Variants in RASSF5 observed in about 807,000 individuals in gnomAD.
RASSF5 encodes the protein ras association domain-containing protein 5.
Under a neutral mutation model 40.5 loss-of-function variants are expected in RASSF5, and 25 were observed. That is an observed-to-expected ratio of 0.62 (90% CI 0.45 to 0.86). RASSF5 has a LOEUF of 0.86. RASSF5 is among the 40% of genes least tolerant of loss of function. The probability of loss-of-function intolerance (pLI) is 0.00; values close to 1 mark genes in which losing one functional copy is unlikely to be tolerated. For missense variants in RASSF5, 521 were observed against 572.8 expected (o/e 0.91, Z 0.92); for synonymous variants, 246 against 252.4 (o/e 0.97, Z 0.24).
At chr1:206,542,184 T>TGTCC (rs1402731365) in intron 2 of RASSF5, 2 of 152,242 alleles carry the variant, frequency 1.3e-5, no homozygotes, top group Non-Finnish European at 2.9e-5. Context: ...TTTGGATGTG[T>TGTCC]GTCCCCTCCA....
intron 2 of RASSF5, among the ~76,000 whole-genome samples, chr1:206,556,727 C>T (rs1213286615): frequency 6.6e-6 from 1 of 152,134 alleles, no homozygotes; most frequent in Non-Finnish European, 1.5e-5. Flanking sequence ...CTGGCATTTC[C>T]AACTTAAAAT....
chr1:206,541,290 A>G (rs1287867225), intron 2 of RASSF5, among the ~76,000 whole-genome samples: 2 of 152,184 alleles, frequency 1.3e-5, no homozygotes, highest in Non-Finnish European at 2.9e-5. Context: ...CTGAACATTC[A>G]TACATTTTTC....
chr1:206,547,106 A>G (rs1178872404), intron 2 of RASSF5, among the ~76,000 whole-genome samples: 2 of 152,234 alleles, frequency 1.3e-5, no homozygotes, highest in African/African-American at 4.8e-5. Context: ...CCCTGTCTCT[A>G]TTTTATACCA....
At chr1:206,578,437 T>G (rs926153849) in intron 2 of RASSF5, among the ~76,000 whole-genome samples, 6 of 152,094 alleles carry the variant, frequency 3.9e-5, no homozygotes, top group African/African-American at 1.4e-4. Flanking sequence ...GTGAGTAGAA[T>G]AGTGCACGGT....
chr1:206,510,525 A>G (rs1666588565), intron 1 of RASSF5, among the ~76,000 whole-genome samples: 1 of 152,170 alleles, frequency 6.6e-6, no homozygotes, highest in South Asian at 2.1e-4. Flanking sequence ...GTCCCCTCCC[A>G]TCTAACAGCT....
At chr1:206,573,035 T>C (rs1668503698) in intron 2 of RASSF5, among the ~76,000 whole-genome samples, 1 of 152,244 alleles carries the variant, frequency 6.6e-6, no homozygotes, top group Admixed American at 6.5e-5. Context: ...ATGATGATGA[T>C]GGTGATGATG....
chr1:206,509,483 C>T (rs1182435815), intron 1 of RASSF5, among the ~76,000 whole-genome samples: 1 of 152,204 alleles, frequency 6.6e-6, no homozygotes, highest in Non-Finnish European at 1.5e-5. Flanking sequence ...TGGTAAATGC[C>T]TTTGACTACA....
intron 2 of RASSF5, chr1:206,557,514 C>A: frequency 6.2e-7 from 1 of 1,604,972 alleles, no homozygotes; most frequent in South Asian, 1.1e-5. Flanking sequence ...CTCCCTCCGC[C>A]GCATCCCAAG....
At chr1:206,518,887 C>T (rs1488790004) in intron 1 of RASSF5, among the ~76,000 whole-genome samples, 1 of 150,922 alleles carries the variant, frequency 6.6e-6, no homozygotes, top group African/African-American at 2.4e-5. Context: ...CTCGGATGGC[C>T]ACTGTTTTCC....
chr1:206,511,587 G>A (rs1666613065), intron 1 of RASSF5, among the ~76,000 whole-genome samples: 1 of 152,154 alleles, frequency 6.6e-6, no homozygotes, highest in Admixed American at 6.5e-5. Flanking sequence ...CAGAGGGGGC[G>A]TTATTCAGAG....
chr1:206,566,965 A>G (rs1398462631), intron 2 of RASSF5, among the ~76,000 whole-genome samples: 6 of 152,186 alleles, frequency 3.9e-5, no homozygotes, highest in South Asian at 2.1e-4. Flanking sequence ...CAAGTACTTT[A>G]GGGCAAGGTT....
At chr1:206,547,489 A>G (rs1337849835) in intron 2 of RASSF5, among the ~76,000 whole-genome samples, 1 of 151,252 alleles carries the variant, frequency 6.6e-6, no homozygotes, top group Non-Finnish European at 1.5e-5. Context: ...ATGGCTGATG[A>G]TCTGTCACTG....
intron 2 of RASSF5, among the ~76,000 whole-genome samples, chr1:206,565,222 C>T (rs935027065): frequency 1.3e-5 from 2 of 152,192 alleles, no homozygotes; most frequent in Non-Finnish European, 2.9e-5. Flanking sequence ...TCAGGCCTCT[C>T]CTCTCTGTCC....
chr1:206,583,668 T>C (rs969785728), intron 3 of RASSF5: 1 of 386,390 alleles, frequency 2.6e-6, no homozygotes, highest in Non-Finnish European at 4.9e-6. Flanking sequence ...CGGTACGTAA[T>C]GACCAAGGGC....
intron 2 of RASSF5, among the ~76,000 whole-genome samples, chr1:206,539,550 T>C (rs1430341713): frequency 3.9e-5 from 6 of 152,236 alleles, no homozygotes; most frequent in South Asian, 4.1e-4. Context: ...AAGAATGATA[T>C]ATGTTTTTAT....
chr1:206,518,339 C>G (rs1283508801), intron 1 of RASSF5: 1 of 398,184 alleles, frequency 2.5e-6, no homozygotes, highest in African/African-American at 2.1e-5. Flanking sequence ...CCCGGCACTC[C>G]ACCCCTGACG....
chr1:206,523,695 T>TAAATATATTATATAC (rs1666988720), intron 1 of RASSF5, among the ~76,000 whole-genome samples: 1 of 84,204 alleles, frequency 1.2e-5, no homozygotes. Context: ...ATATTATATA[T>TAAATATATTATATAC]AATATATTTA....
chr1:206,587,263 ATAG>A lies in RASSF5; in HGVS notation c.*287_*289del. 1 of 393,344 alleles carries A rather than the reference ATAG, an allele frequency of 2.5e-6. No individual in the cohort carries two copies. The highest frequency in any genetic ancestry group is 5.8e-5 in the East Asian group (1 of 17,330). The allele number at this position is 393,344 out of a possible 1,614,324, so 24.4% of individuals were successfully genotyped here. On this transcript the variant is annotated 3_prime_UTR_variant, in exon 6 of 6. Transcript: ENST00000579436. ...GATCTGCAAGCCTTTCACCAACCAA[ATAG>A]TTGCCTCTCTCGTCACCAAACTGGA... is the stretch of plus-strand genomic sequence containing the variant.
At chr1:206,527,491 C>T (rs1667127260) in intron 1 of RASSF5, among the ~76,000 whole-genome samples, 2 of 152,158 alleles carry the variant, frequency 1.3e-5, no homozygotes, top group South Asian at 2.1e-4. Context: ...TTCCAAGTCT[C>T]GCAGATATGG....
Sources: gnomAD v4.1 joint callset for allele counts (sites outside exome capture counted in the v4.1 genomes callset) on GRCh38, gnomAD v4.1.1 for gene constraint, MANE v1.5 for transcripts, NCBI Gene and HGNC (gene_info 2026-07-23, HGNC 2026-07-21) for gene names.